Variants in CEP76 observed in about 807,000 individuals in gnomAD.
CEP76 encodes centrosomal protein 76.
Under a neutral mutation model 83.3 loss-of-function variants are expected in CEP76, and 55 were observed. The ratio of observed to expected loss-of-function variants is 0.66; its 90% CI spans 0.53 to 0.83. The LOEUF (loss-of-function observed/expected upper bound fraction) is 0.83. Ranked by LOEUF, CEP76 falls within the 40% of genes least tolerant of loss-of-function variation. The probability of loss-of-function intolerance (pLI) is 0.00; values close to 1 mark genes in which losing one functional copy is unlikely to be tolerated. For synonymous variants in CEP76, 270 were observed against 274.5 expected (o/e 0.98, Z 0.16); for missense variants, 694 against 799.5 (o/e 0.87, Z 1.59).
At position 12,665,849 on chromosome 18, in the gene CEP76, A is replaced by G. The variant is rs535189562; in HGVS notation, c.*1728-3680T>C. ...AGTAGCTGCGATTACAGATCACGCC[A>G]CCACACCCAGCTAATTTTTGTATTT... On this transcript the variant is annotated intron_variant and NMD_transcript_variant, in intron 12 of 12. Transcript: ENST00000590143. 4.9e-4 allele frequency among the ~76,000 whole-genome samples: 74 copies of G among 152,196 alleles called. No homozygotes were observed. The South Asian group carries it at 0.014, about 28-fold the overall frequency.
chr18:12,687,926 T>G (rs12969300), intron 7 of CEP76, among the ~76,000 whole-genome samples: 36,018 of 151,864 alleles, frequency 0.24, 4,957 homozygotes, highest in Non-Finnish European at 0.32. Context: ...AATCCTCAAG[T>G]GATTTACAAC....
rs1337126855 is a variant in CEP76, at chr18:12,672,721, A to G, written c.*644T>C. On this transcript the variant is annotated 3_prime_UTR_variant, in exon 12 of 12. Transcript: ENST00000262127. ...ACCCAATTCATTTTTACAACAAATC[A>G]CAGTGATAAATATTTCTAAATGATT... The G allele has an allele frequency of 1.0e-6, 1 of 969,754 alleles. No individual in the cohort carries two copies. Among genetic ancestry groups the G allele is most frequent in the Non-Finnish European group, 1.2e-6 (1 of 815,626 alleles). The allele number at this position is 969,754 out of a possible 1,614,324, so 60.1% of individuals were successfully genotyped here.
intron 9 of CEP76, chr18:12,679,273 G>C (rs1161757669): frequency 1.3e-5 from 2 of 152,338 alleles, no homozygotes. Context: ...ACTCCAACCA[G>C]CCTGTGCACT....
At chr18:12,679,666 A>G (rs1231512946) in intron 9 of CEP76, among the ~76,000 whole-genome samples, 1 of 152,220 alleles carries the variant, frequency 6.6e-6, no homozygotes, top group African/African-American at 2.4e-5. Flanking sequence ...AAATGTGTCC[A>G]GTGGATTTGC....
intron 10 of CEP76, among the ~76,000 whole-genome samples, chr18:12,677,253 A>G (rs974092951): frequency 1.3e-5 from 2 of 152,084 alleles, no homozygotes; most frequent in Non-Finnish European, 2.9e-5. Flanking sequence ...CAGCCTGGCC[A>G]ACATGGTGAA....
intron 8 of CEP76, chr18:12,685,431 G>A (rs1387323365): frequency 6.6e-6 from 1 of 152,110 alleles, no homozygotes; most frequent in Non-Finnish European, 1.5e-5. Context: ...TTTAGTACTT[G>A]TAGGTCCCTA....
At chr18:12,702,775 A>C (rs1013602677), upstream of CEP76, 3 of 578,744 alleles carry the variant, frequency 5.2e-6, no homozygotes, top group South Asian at 4.3e-5. Context: ...GCGGACAAAC[A>C]GGGCTTGGGG....
At chr18:12,680,132 A>G (rs2039293824) in intron 9 of CEP76, among the ~76,000 whole-genome samples, 1 of 151,974 alleles carries the variant, frequency 6.6e-6, no homozygotes, top group South Asian at 2.1e-4. Context: ...GTTTACCAAC[A>G]TCATGTTGGT....
In CEP76 at chr18:12,674,543, AT is replaced by A. The variant is rs755787482; in HGVS notation, c.1833del (p.Cys612ValfsTer10). On this transcript the variant is annotated frameshift_variant, in exon 11 of 12. Transcript: ENST00000262127. LOFTEE classifies it high-confidence loss of function. The stretch of plus-strand genomic sequence containing the variant: ...CCGTAAATTACACCTTACCGAAGAC[AT>A]GTGGCAAATGCACGTCTTGCATTTC... ...VYRNARRAFA[T>X]CLRSPFCEEI... 1 of 1,611,672 alleles carries A rather than the reference AT, an allele frequency of 6.2e-7. No individual in the cohort carries two copies. Among genetic ancestry groups the A allele is most frequent in the African/African-American group, 1.3e-5 (1 of 74,988 alleles).
intron 4 of CEP76, among the ~76,000 whole-genome samples, chr18:12,698,601 A>G (rs2040043113): frequency 6.6e-6 from 1 of 152,190 alleles, no homozygotes; most frequent in Admixed American, 6.6e-5. Context: ...TGCTCAGCCT[A>G]AACTTCGACT....
At chr18:12,677,362 T>A (rs2039175059) in intron 10 of CEP76, among the ~76,000 whole-genome samples, 1 of 144,670 alleles carries the variant, frequency 6.9e-6, no homozygotes, top group Admixed American at 7.4e-5. Context: ...TGCTTAAACC[T>A]GGGAGGTAGA....
downstream of CEP76, chr18:12,670,532 C>T (rs1212074130): frequency 6.6e-6 from 1 of 152,172 alleles, no homozygotes; most frequent in Non-Finnish European, 1.5e-5. Flanking sequence ...AATGTTAATA[C>T]AGCCTTGATC....
Position 12,672,851 on chromosome 18 carries a change from A to G in CEP76, c.*514T>C. 1.0e-6 allele frequency: 1 copy of G among 985,350 alleles called. No individual in the cohort carries two copies. 61.0% of individuals were successfully genotyped at this position (985,350 alleles called of 1,614,324 possible). A position where few individuals can be genotyped will look rare whatever the true frequency, so the allele number is the denominator to read the frequency against. ...CATAAATTTCTGGACAGTCTCAAAT[A>G]TCCCAAGGACCACGAATAAACCACA... is the stretch of plus-strand genomic sequence containing the variant. On this transcript the variant is annotated 3_prime_UTR_variant, in exon 12 of 12. Transcript: ENST00000262127.
chr18:12,664,114 G>A (rs1415518228), intron 12 of CEP76, among the ~76,000 whole-genome samples: 2 of 152,042 alleles, frequency 1.3e-5, no homozygotes, highest in Non-Finnish European at 2.9e-5. Context: ...GCGGTGAGCC[G>A]AGATCGTGCC....
intron 4 of CEP76, among the ~76,000 whole-genome samples, chr18:12,698,358 AGGG>A (rs2040034918): frequency 1.3e-5 from 2 of 152,142 alleles, no homozygotes; most frequent in African/African-American, 2.4e-5. Flanking sequence ...TAGTAGAGAC[AGGG>A]TTTCGACATG....
chr18:12,700,889 C>T (rs1163115942), intron 2 of CEP76, 69 bp downstream of exon 2: 47 of 1,323,136 alleles, frequency 3.6e-5, no homozygotes, highest in Non-Finnish European at 4.8e-5. Flanking sequence ...ACATCGGAAC[C>T]TTATAAGTAG....
chr18:12,696,216 A>G (rs1472730689), intron 5 of CEP76, among the ~76,000 whole-genome samples: 1 of 152,148 alleles, frequency 6.6e-6, no homozygotes, highest in African/African-American at 2.4e-5. Flanking sequence ...ATTAAAATCT[A>G]AATTACTGGC....
chr18:12,669,509 G>T (rs1323470834), downstream of CEP76, among the ~76,000 whole-genome samples: 6 of 152,030 alleles, frequency 3.9e-5, no homozygotes, highest in Non-Finnish European at 8.8e-5. Flanking sequence ...AATGAAAAAT[G>T]AAGTTTCTGG....
rs868192300 is a variant in CEP76, at chr18:12,697,305, T to C, written c.624A>G (p.Val208=). 1.9e-6 allele frequency: 3 copies of C among 1,614,032 alleles called. No individual in the cohort carries two copies. The highest frequency in any genetic ancestry group is 2.2e-5 in the South Asian group (2 of 91,076). Residue 208 remains valine, a synonymous_variant, in exon 5 of 12, where the codon GTA becomes GTG. Transcript: ENST00000262127. ...KTDIFGETTL[V]ASYFLEWRSV... ...ATCGCCATTCCAGAAAATATGATGCTACTAAAGTCGTCTCACCAAATATGT... is the reference window on the plus strand; with the variant it reads ...ATCGCCATTCCAGAAAATATGATGCCACTAAAGTCGTCTCACCAAATATGT...
Sources: gnomAD v4.1 joint callset for allele counts (sites outside exome capture counted in the v4.1 genomes callset) on GRCh38, gnomAD v4.1.1 for gene constraint, MANE v1.5 for transcripts, NCBI Gene and HGNC (gene_info 2026-07-23, HGNC 2026-07-21) for gene names.